The following SORL1 variants were observed in gnomAD, a reference collection of about 807,000 sequenced individuals.
The protein encoded by SORL1 is sortilin related receptor 1, also known as sortilin-related receptor.
A neutral mutation model predicts 273.7 loss-of-function variants in SORL1; 127 were observed. That is an observed-to-expected ratio of 0.46 (90% CI 0.40 to 0.54). SORL1 has a LOEUF of 0.54. Ranked by LOEUF, SORL1 falls within the 20% of genes least tolerant of loss-of-function variation. SORL1 has a pLI of 0.00. For synonymous variants in SORL1, 1,031 were observed against 1,067.4 expected, an observed-to-expected ratio of 0.97 and a Z score of 0.66; for missense variants, 2,494 against 2,846.1, an observed-to-expected ratio of 0.88 and a Z score of 2.81.
At chr11:121,522,435 TGG>T (rs1327058514) in intron 9 of SORL1, 149 bp from the exon 10 acceptor site, 13 of 674,628 alleles carry the variant, frequency 1.9e-5, no homozygotes, top group Middle Eastern at 3.5e-4. Context: ...CTGGGGGGTG[TGG>T]GGACAGCTGG....
chr11:121,471,118 T>A (rs551219680), intron 2 of SORL1, among the ~76,000 whole-genome samples: 19 of 152,256 alleles, frequency 1.2e-4, no homozygotes, highest in African/African-American at 4.6e-4. Flanking sequence ...TTCTCCCATA[T>A]CTTAATTTGA....
Position 121,557,349 on chromosome 11 carries a change from C to T in SORL1, c.2607C>T (p.Ile869=), listed in dbSNP as rs776669338. The T allele has an allele frequency of 9.3e-6, 15 of 1,614,036 alleles. No homozygotes were observed. Among genetic ancestry groups the T allele is most frequent in the African/African-American group, 2.7e-5 (2 of 74,926 alleles). The part of the protein sequence containing the change: ...ANPDGDFRLT[I]VNSSVLDRPR... ...CAGATGGCGACTTCCGACTCACAAT[C>T]GTCAATTCCTCTGTGCTTGATCGTC... Residue 869 remains isoleucine (I), a synonymous_variant, in exon 19 of 48, where the codon ATC becomes ATT. Coordinates refer to ENST00000260197, the MANE Select transcript of SORL1 (RefSeq NM_003105.6).
chr11:121,618,439 C>A (rs1341800349), intron 41 of SORL1, among the ~76,000 whole-genome samples: 1 of 152,146 alleles, frequency 6.6e-6, no homozygotes, highest in African/African-American at 2.4e-5. Context: ...ACCCCCCGTT[C>A]CCTGGCTCAT....
chr11:121,462,462 T>A (rs1565300168), intron 1 of SORL1, among the ~76,000 whole-genome samples: 1 of 152,212 alleles, frequency 6.6e-6, no homozygotes. Flanking sequence ...CTCCCCGATA[T>A]GAGGTTAGGT....
Position 121,524,835 on chromosome 11 carries a change from T to A in SORL1, c.1596+1846T>A, listed in dbSNP as rs551474273. On this transcript the variant is annotated intron_variant, in intron 11 of 47. Transcript: ENST00000260197. ...TTTAAAGTGTACAGTTTGATCAGAA[T>A]TAATTATGGTCACCACAATTAAGAT... Among the ~76,000 whole-genome samples, 72 of 152,332 alleles carry A rather than the reference T, an allele frequency of 4.7e-4. No homozygotes were observed. The South Asian group carries it at 5.2e-3, about 11-fold the overall frequency.
At chr11:121,629,444 G>A (rs1274440554) in intron 47 of SORL1, 52 bp from the exon 48 acceptor site, 4 of 904,150 alleles carry the variant, frequency 4.4e-6, no homozygotes, top group South Asian at 3.9e-5. Flanking sequence ...GGGATATGGG[G>A]TCAGGTGAAA....
chr11:121,488,092 C>T lies in SORL1; in HGVS notation c.589C>T (p.Leu197Phe), dbSNP rs774546275. Residue 197 changes from leucine to phenylalanine, a missense_variant, in exon 4 of 48, where the codon CTT (leucine) becomes TTT (phenylalanine). Around this residue, in one of 3 missense-constraint regions of SORL1, gnomAD observed 710 missense variants for 882.5 expected, o/e 0.80. Transcript: ENST00000260197. ...LWITFDFCNT[L>F]QGFSIPFRAA... is the part of the protein sequence containing the mutation. ...GATCACGTTTGACTTCTGCAACACT[C>T]TTCAAGGCTTTTCCATCCCATTTCG... The T allele has an allele frequency of 6.2e-7, 1 of 1,614,198 alleles. No individual in the cohort carries two copies. The highest frequency in any genetic ancestry group is 8.5e-7 in the Non-Finnish European group (1 of 1,180,030).
At chr11:121,588,512 T>TA (rs1863156816) in intron 28 of SORL1, among the ~76,000 whole-genome samples, 2 of 152,168 alleles carry the variant, frequency 1.3e-5, no homozygotes, top group Non-Finnish European at 2.9e-5. Context: ...CGTAGCCCCT[T>TA]ACCCTGCTTC....
intron 13 of SORL1, among the ~76,000 whole-genome samples, chr11:121,543,929 TA>T (rs1489208321): frequency 1.3e-5 from 2 of 152,230 alleles, no homozygotes; most frequent in Non-Finnish European, 2.9e-5. Context: ...CTATTCTTTG[TA>T]TCTTAGTTTC....
At chr11:121,483,559 G>T (rs932242790) in intron 3 of SORL1, among the ~76,000 whole-genome samples, 1 of 152,184 alleles carries the variant, frequency 6.6e-6, no homozygotes, top group Non-Finnish European at 1.5e-5. Flanking sequence ...AACCAAAGGA[G>T]GAAGCTCCTC....
At chr11:121,575,947 C>T (rs996575363) in intron 24 of SORL1, among the ~76,000 whole-genome samples, 30 of 152,318 alleles carry the variant, frequency 2.0e-4, no homozygotes, top group Middle Eastern at 3.4e-3. Context: ...CCCAGGGTCC[C>T]GGTTAGCCCC....
intron 1 of SORL1, among the ~76,000 whole-genome samples, chr11:121,466,933 T>TA (rs1417551721): frequency 6.6e-6 from 1 of 150,702 alleles, no homozygotes; most frequent in African/African-American, 2.4e-5. Flanking sequence ...GGACATCTAA[T>TA]AAAAAAAGCT....
chr11:121,609,653 T>TAA (rs1218617667), intron 38 of SORL1: 13 of 152,204 alleles, frequency 8.5e-5, no homozygotes, highest in Non-Finnish European at 1.8e-4. Flanking sequence ...TGTTGTAAAA[T>TAA]ATCTGTGACA....
At chr11:121,518,028 C>T (rs887421521) in intron 8 of SORL1, among the ~76,000 whole-genome samples, 6 of 152,218 alleles carry the variant, frequency 3.9e-5, no homozygotes. Flanking sequence ...GGGAATGACC[C>T]TGGCCCTGGT....
chr11:121,588,195 A>AACTTGCATGG, intron 28 of SORL1, 44 bp downstream of exon 28: 2 of 1,607,580 alleles, frequency 1.2e-6, no homozygotes, highest in Non-Finnish European at 1.7e-6. Context: ...GTCACTAAAG[A>AACTTGCATGG]ACTTGCATGG....
chr11:121,460,472 T>C (rs998255477), intron 1 of SORL1, among the ~76,000 whole-genome samples: 1 of 147,372 alleles, frequency 6.8e-6, no homozygotes, highest in Non-Finnish European at 1.5e-5. Flanking sequence ...CTCGGCTCAC[T>C]GCAACCTCTG....
chr11:121,604,439 T>C (rs1295594890), intron 33 of SORL1, 115 bp downstream of exon 33: 4 of 1,338,614 alleles, frequency 3.0e-6, no homozygotes, highest in Admixed American at 5.1e-5. Context: ...TTGCTCAATC[T>C]AAGGATAAAA....
At chr11:121,467,734 GC>G (rs767701440) in intron 1 of SORL1, among the ~76,000 whole-genome samples, 11 of 152,268 alleles carry the variant, frequency 7.2e-5, no homozygotes, top group Non-Finnish European at 1.6e-4. Flanking sequence ...AAAAGGGAAG[GC>G]TTCAGCGACC....
chr11:121,535,975 G>A (rs537555010), intron 12 of SORL1, among the ~76,000 whole-genome samples: 24 of 152,286 alleles, frequency 1.6e-4, no homozygotes, highest in Admixed American at 2.0e-4. Flanking sequence ...TGGCTTTTTC[G>A]TCAGAGAAGG....
Sources: allele counts gnomAD v4.1 joint callset (sites outside exome capture counted in the v4.1 genomes callset), GRCh38; gene constraint gnomAD v4.1.1; regional missense constraint gnomAD v4.1.1; transcripts MANE v1.5; gene names NCBI Gene and HGNC (gene_info 2026-07-23, HGNC 2026-07-21).